Variants in KIAA1217 observed in about 807,000 individuals in gnomAD.
KIAA1217 encodes sickle tail protein homolog.
A neutral mutation model predicts 163.9 loss-of-function variants in KIAA1217; 88 were observed. The observed-to-expected ratio is 0.54, with a 90% CI of 0.45 to 0.64. The LOEUF (loss-of-function observed/expected upper bound fraction) is 0.64. Among genes scored for constraint, KIAA1217 ranks in the 30% least tolerant of loss-of-function variants. The probability of loss-of-function intolerance (pLI) is 0.00; values close to 1 mark genes in which losing one functional copy is unlikely to be tolerated. For synonymous variants in KIAA1217, 903 were observed against 923.1 expected (o/e 0.98, Z 0.39); for missense variants, 2,372 against 2,475.0 (o/e 0.96, Z 0.88).
chr10:24,165,330 A>C (rs1165406383), intron 2 of KIAA1217, among the ~76,000 whole-genome samples: 5 of 152,178 alleles, frequency 3.3e-5, no homozygotes, highest in Non-Finnish European at 5.9e-5. Context: ...ACCTCCAGGA[A>C]CTGTCCGCAC....
chr10:24,005,739 C>A (rs1181795852), intron 1 of KIAA1217, among the ~76,000 whole-genome samples: 1 of 152,160 alleles, frequency 6.6e-6, no homozygotes, highest in Non-Finnish European at 1.5e-5. Flanking sequence ...TTCAGTATTT[C>A]ACAGTTTTGT....
At chr10:24,499,420 G>A (rs959932869) in intron 8 of KIAA1217, among the ~76,000 whole-genome samples, 6 of 152,244 alleles carry the variant, frequency 3.9e-5, no homozygotes, top group African/African-American at 7.2e-5. Flanking sequence ...CTGGTGATGT[G>A]AGTGACCATT....
At chr10:24,448,715 G>A (rs1564698781) in intron 5 of KIAA1217, among the ~76,000 whole-genome samples, 1 of 152,162 alleles carries the variant, frequency 6.6e-6, no homozygotes, top group Non-Finnish European at 1.5e-5. Flanking sequence ...TCGATAGTCA[G>A]TATTTCAAAT....
intron 1 of KIAA1217, among the ~76,000 whole-genome samples, chr10:24,211,595 T>TATTGTATTGTATTGTATTGTATTGTATTG (rs1564836416): frequency 1.4e-5 from 2 of 139,586 alleles, no homozygotes; most frequent in African/African-American, 5.6e-5. Context: ...GTATTGTATT[T>TATTGTATTGTATTGTATTGTATTGTATTG]TATTTTATTT....
intron 2 of KIAA1217, among the ~76,000 whole-genome samples, chr10:24,118,916 C>T (rs555323291): frequency 5.3e-5 from 8 of 152,212 alleles, no homozygotes; most frequent in Admixed American, 3.9e-4. Context: ...TAAAATATCA[C>T]TCAAAGTAAG....
chr10:23,840,479 T>C (rs1465018126), intron 1 of KIAA1217, among the ~76,000 whole-genome samples: 1 of 152,116 alleles, frequency 6.6e-6, no homozygotes, highest in East Asian at 1.9e-4. Flanking sequence ...TTCAGTGTTA[T>C]TGTGAGTATT....
intron 1 of KIAA1217, among the ~76,000 whole-genome samples, chr10:23,799,207 A>T (rs1335750339): frequency 1.3e-5 from 2 of 151,986 alleles, no homozygotes; most frequent in African/African-American, 4.8e-5. Context: ...CCCAACCCTA[A>T]CAACTTCTGT....
intron 2 of KIAA1217, among the ~76,000 whole-genome samples, chr10:24,264,867 C>T (rs565623831): frequency 1.3e-5 from 2 of 151,002 alleles, no homozygotes; most frequent in African/African-American, 4.9e-5. Flanking sequence ...CTCTTTCTCT[C>T]TTTCTTTCTT....
At chr10:23,801,980 T>C (rs968065424) in intron 1 of KIAA1217, among the ~76,000 whole-genome samples, 4 of 152,208 alleles carry the variant, frequency 2.6e-5, no homozygotes, top group African/African-American at 9.7e-5. Context: ...AAAGTCCTTC[T>C]TCTAAATAGA....
At chr10:23,708,766 C>T (rs1209026533) in intron 1 of KIAA1217, among the ~76,000 whole-genome samples, 2 of 151,994 alleles carry the variant, frequency 1.3e-5, no homozygotes, top group South Asian at 2.1e-4. Context: ...TAAAGGGGGA[C>T]TAATGCAAAA....
intron 2 of KIAA1217, among the ~76,000 whole-genome samples, chr10:24,087,188 T>G (rs934747125): frequency 6.6e-6 from 1 of 152,204 alleles, no homozygotes; most frequent in African/African-American, 2.4e-5. Flanking sequence ...GACAGTAGTT[T>G]TATTACTTAG....
At chr10:23,956,338 C>CTTTA (rs1844556264) in intron 1 of KIAA1217, among the ~76,000 whole-genome samples, 1 of 152,104 alleles carries the variant, frequency 6.6e-6, no homozygotes, top group Non-Finnish European at 1.5e-5. Context: ...CACACACTTA[C>CTTTA]TTTAGCATTG....
intron 1 of KIAA1217, among the ~76,000 whole-genome samples, chr10:23,928,052 G>A (rs1843101878): frequency 6.6e-6 from 1 of 152,188 alleles, no homozygotes; most frequent in African/African-American, 2.4e-5. Context: ...CTGTTAAAAA[G>A]CATAGCTTAA....
At chr10:24,066,475 C>A (rs1564657940) in intron 2 of KIAA1217, among the ~76,000 whole-genome samples, 1 of 152,194 alleles carries the variant, frequency 6.6e-6, no homozygotes, top group Non-Finnish European at 1.5e-5. Flanking sequence ...TTGGCCCCCA[C>A]TCCCTTCTGG....
At chr10:24,287,278 T>C (rs2078638718) in intron 2 of KIAA1217, among the ~76,000 whole-genome samples, 1 of 152,218 alleles carries the variant, frequency 6.6e-6, no homozygotes, top group South Asian at 2.1e-4. Context: ...CTTGAACTCC[T>C]GACCTCAAGT....
chr10:24,463,457 G>A (rs2062633143), intron 5 of KIAA1217, among the ~76,000 whole-genome samples: 1 of 152,226 alleles, frequency 6.6e-6, no homozygotes, highest in South Asian at 2.1e-4. Flanking sequence ...TCTGTCTCAT[G>A]TCTGGGAGAC....
intron 3 of KIAA1217, among the ~76,000 whole-genome samples, chr10:24,388,908 T>G (rs7912942): frequency 0.31 from 37,752 of 121,138 alleles, 7,879 homozygotes; most frequent in African/African-American, 0.61. Flanking sequence ...GGAAACGACA[T>G]GTGCTGGAGA....
At chr10:23,712,470 C>G (rs149769354) in intron 1 of KIAA1217, among the ~76,000 whole-genome samples, 1,717 of 152,006 alleles carry the variant, frequency 0.011, 32 homozygotes, top group African/African-American at 0.04. Context: ...GCAGTCAACT[C>G]AGTACAGAAA....
intron 6 of KIAA1217, among the ~76,000 whole-genome samples, chr10:24,483,787 A>G (rs1295735753): frequency 2.0e-5 from 3 of 152,218 alleles, no homozygotes; most frequent in African/African-American, 7.2e-5. Flanking sequence ...TGAGATGTCA[A>G]TTCCAGAACA....
Sources: allele counts gnomAD v4.1 joint callset (sites outside exome capture counted in the v4.1 genomes callset), GRCh38; gene constraint gnomAD v4.1.1; transcripts MANE v1.5; gene names NCBI Gene and HGNC (gene_info 2026-07-23, HGNC 2026-07-21).